Variants in FNBP1 observed in about 807,000 individuals in gnomAD.
FNBP1 encodes the protein formin-binding protein 1.
In FNBP1, 26 loss-of-function variants were observed where a neutral mutation model predicts 90.6. That is an observed-to-expected ratio of 0.29 (90% CI 0.21 to 0.40). FNBP1 has a LOEUF of 0.40. Ranked by LOEUF, FNBP1 falls within the 10% of genes least tolerant of loss-of-function variation. The pLI is 1.00. For missense variants in FNBP1, 635 were observed against 768.0 expected, an observed-to-expected ratio of 0.83 and a Z score of 2.05; for synonymous variants, 260 against 265.2, an observed-to-expected ratio of 0.98 and a Z score of 0.19.
chr9:129,946,487 C>T (rs2045305712), intron 6 of FNBP1, among the ~76,000 whole-genome samples: 1 of 152,280 alleles, frequency 6.6e-6, no homozygotes. Flanking sequence ...GGAAACCTCT[C>T]GCACTGTATA....
intron 4 of FNBP1, among the ~76,000 whole-genome samples, chr9:129,970,262 G>C (rs2049248788): frequency 6.6e-6 from 1 of 151,770 alleles, no homozygotes; most frequent in Non-Finnish European, 1.5e-5. Flanking sequence ...CTGGAGTGCA[G>C]TGGCGCGTTC....
At chr9:130,035,659 T>C (rs2059242527) in intron 1 of FNBP1, among the ~76,000 whole-genome samples, 1 of 152,088 alleles carries the variant, frequency 6.6e-6, no homozygotes, top group East Asian at 1.9e-4. Context: ...TTTAAGATAA[T>C]AGAGAGGTCA....
the FNBP1 span, among the ~76,000 whole-genome samples, chr9:130,049,825 A>T: frequency 6.6e-6 from 1 of 152,106 alleles, no homozygotes; most frequent in Non-Finnish European, 1.5e-5. Flanking sequence ...ATTTTTACTT[A>T]TTGTAGAAAA....
intron 1 of FNBP1, among the ~76,000 whole-genome samples, chr9:129,998,229 C>T (rs1256459388): frequency 1.4e-5 from 2 of 143,816 alleles, no homozygotes; most frequent in African/African-American, 5.2e-5. Context: ...AATGGCCGGG[C>T]GCGGTGGCTC....
At chr9:130,032,119 A>G (rs911957895) in intron 1 of FNBP1, among the ~76,000 whole-genome samples, 4 of 152,102 alleles carry the variant, frequency 2.6e-5, no homozygotes, top group African/African-American at 9.7e-5. Context: ...CTTACTTTTG[A>G]AACTGAACAA....
At chr9:129,991,016 T>C (rs1033604592) in intron 2 of FNBP1, among the ~76,000 whole-genome samples, 9 of 143,738 alleles carry the variant, frequency 6.3e-5, no homozygotes, top group African/African-American at 2.3e-4. Context: ...TTACTGCAAC[T>C]TCTGCCTCCT....
At chr9:129,914,793 A>ATATCTC (rs1173294546) in intron 11 of FNBP1, 1 of 161,448 alleles carries the variant, frequency 6.2e-6, no homozygotes, top group Admixed American at 7.0e-5. Flanking sequence ...ATATATATAT[A>ATATCTC]TCTCACCATA....
In FNBP1 at chr9:130,042,649, C is replaced by T. The variant is rs527420150; in HGVS notation, c.24+303G>A. On this transcript the variant is annotated intron_variant, in intron 1 of 16. Coordinates refer to ENST00000446176, the MANE Select transcript of FNBP1 (RefSeq NM_015033.3). The surrounding 1 kb of genome is among the most constrained non-coding windows in gnomAD (Gnocchi z 5.5). ...CGGCTCGCCCCGGGGGATTAGGGCT[C>T]GGCCCGACACACACGGCCCGCTCCG... Among the ~76,000 whole-genome samples the T allele has an allele frequency of 2.9e-4, 44 of 151,790 alleles. No individual in the cohort carries two copies. Among genetic ancestry groups the T allele is most frequent in the African/African-American group, 1.0e-3 (42 of 41,506 alleles).
chr9:129,923,754 A>G (rs2041470654), intron 10 of FNBP1, 90 bp downstream of exon 10: 3 of 1,365,922 alleles, frequency 2.2e-6, no homozygotes, highest in African/African-American at 3.1e-5. Flanking sequence ...GGAAAACACA[A>G]TGGATTCATT....
chr9:129,917,300 C>T (rs536180205), intron 10 of FNBP1, among the ~76,000 whole-genome samples: 1 of 151,634 alleles, frequency 6.6e-6, no homozygotes, highest in Non-Finnish European at 1.5e-5. Context: ...GCTACTGTGC[C>T]CAGCTGTGAC....
intron 4 of FNBP1, among the ~76,000 whole-genome samples, chr9:129,968,395 CAAAAAAAA>C (rs775896038): frequency 2.3e-4 from 16 of 69,134 alleles, no homozygotes; most frequent in Non-Finnish European, 3.4e-4. Context: ...AACTCCGTCT[CAAAAAAAA>C]AAAAAAAAAA....
chr9:129,962,423 G>A (rs1216111660), intron 4 of FNBP1, among the ~76,000 whole-genome samples: 1 of 152,198 alleles, frequency 6.6e-6, no homozygotes, highest in Non-Finnish European at 1.5e-5. Context: ...GTGCACTGCA[G>A]AGAAGGTCAG....
intron 12 of FNBP1, among the ~76,000 whole-genome samples, chr9:129,906,557 C>G (rs2038095990): frequency 6.6e-6 from 1 of 152,166 alleles, no homozygotes; most frequent in Non-Finnish European, 1.5e-5. Flanking sequence ...GTAAGACATG[C>G]CTTTGCTCCT....
chr9:130,039,705 T>C (rs1347582886), intron 1 of FNBP1, among the ~76,000 whole-genome samples: 1 of 151,328 alleles, frequency 6.6e-6, no homozygotes, highest in Non-Finnish European at 1.5e-5. Context: ...AAAGTTTATT[T>C]CTATGGAGGG....
chr9:129,954,864 G>A (rs2132706849), intron 6 of FNBP1, among the ~76,000 whole-genome samples: 1 of 152,090 alleles, frequency 6.6e-6, no homozygotes, highest in South Asian at 2.1e-4. Context: ...TGGGCGTGGT[G>A]ACGCCTGTAA....
At chr9:129,909,889 G>A (rs1386314865) in intron 11 of FNBP1, among the ~76,000 whole-genome samples, 1 of 152,162 alleles carries the variant, frequency 6.6e-6, no homozygotes, top group Non-Finnish European at 1.5e-5. Context: ...CCAGCCTAGT[G>A]ACTTCTTTTA....
At chr9:129,898,136 A>G (rs371761663) in intron 15 of FNBP1, among the ~76,000 whole-genome samples, 3 of 151,958 alleles carry the variant, frequency 2.0e-5, no homozygotes, top group East Asian at 1.9e-4. Context: ...GGCCTGGGCT[A>G]GTCTTTCTAA....
intron 6 of FNBP1, among the ~76,000 whole-genome samples, chr9:129,953,170 T>C (rs76018164): frequency 0.013 from 1,916 of 152,300 alleles, 18 homozygotes; most frequent in Middle Eastern, 0.024. Context: ...CATACAGATT[T>C]CCCAGGACCA....
At chr9:129,962,217 C>G (rs1259643029) in intron 4 of FNBP1, among the ~76,000 whole-genome samples, 4 of 152,232 alleles carry the variant, frequency 2.6e-5, no homozygotes, top group African/African-American at 9.6e-5. Context: ...AAGGCTCCTC[C>G]AGCCCTGTGA....
Sources: allele counts gnomAD v4.1 joint callset (sites outside exome capture counted in the v4.1 genomes callset), GRCh38; gene constraint gnomAD v4.1.1; non-coding constraint Gnocchi (gnomAD v3.1); transcripts MANE v1.5; gene names NCBI Gene and HGNC (gene_info 2026-07-23, HGNC 2026-07-21).